JAKMIP1: variants seen among roughly 807,000 people sequenced by gnomAD.
JAKMIP1 encodes janus kinase and microtubule interacting protein 1, also known as janus kinase and microtubule-interacting protein 1.
In JAKMIP1, 33 loss-of-function variants were observed where a neutral mutation model predicts 113.0. The ratio of observed to expected loss-of-function variants is 0.29; its 90% CI spans 0.22 to 0.39. The LOEUF (loss-of-function observed/expected upper bound fraction) is 0.39, where lower values mean the gene tolerates loss of function less well. Among genes scored for constraint, JAKMIP1 ranks in the 10% least tolerant of loss-of-function variants. JAKMIP1 has a pLI of 1.00. For synonymous variants in JAKMIP1, 480 were observed against 459.9 expected (o/e 1.04, Z -0.56); for missense variants, 813 against 1,080.5 (o/e 0.75, Z 3.47).
chr4:6,158,701 G>A lies in JAKMIP1; in HGVS notation c.-148+41552C>T, dbSNP rs765692274. On this transcript the variant is annotated intron_variant, in intron 1 of 20. Transcript: ENST00000409021. The surrounding 1 kb of genome is among the most constrained non-coding windows in gnomAD (Gnocchi z 5.3). ...TAGGTTAGGAAAGAAAATTTGGTTT[G>A]AAAATTTATTGGATAAAAATAGGGC... Among the ~76,000 whole-genome samples, 20 of 151,392 alleles carry A rather than the reference G, an allele frequency of 1.3e-4. No individual in the cohort carries two copies. The highest frequency in any genetic ancestry group is 2.8e-4 in the Non-Finnish European group (19 of 67,938).
intron 1 of JAKMIP1, among the ~76,000 whole-genome samples, chr4:6,175,997 T>C (rs1725303504): frequency 6.6e-6 from 1 of 152,222 alleles, no homozygotes; most frequent in Non-Finnish European, 1.5e-5. Context: ...TTGCTCATTA[T>C]AAACACAATG....
At chr4:6,126,236 A>G (rs1202950879) in intron 1 of JAKMIP1, among the ~76,000 whole-genome samples, 1 of 149,716 alleles carries the variant, frequency 6.7e-6, no homozygotes, top group African/African-American at 2.5e-5. Flanking sequence ...ACACGCAAAC[A>G]CACACCATGG....
rs1288477032 is a variant in JAKMIP1, at chr4:6,061,285, T to C, written c.1561-778A>G. 6.6e-6 allele frequency among the ~76,000 whole-genome samples: 1 copy of C among 152,200 alleles called. No individual in the cohort carries two copies. Among genetic ancestry groups the C allele is most frequent in the East Asian group, 1.9e-4 (1 of 5,192 alleles). On this transcript the variant is annotated intron_variant, in intron 10 of 20. Transcript: ENST00000409021. The surrounding 1 kb of genome is among the most constrained non-coding windows in gnomAD (Gnocchi z 5.3). ...GCCTCACAGTTTCCCTCCTCTGACCTAGATGACAAAGACTGGGCCTTTTAT... is the reference window on the plus strand; with the variant it reads ...GCCTCACAGTTTCCCTCCTCTGACCCAGATGACAAAGACTGGGCCTTTTAT...
intron 1 of JAKMIP1, among the ~76,000 whole-genome samples, chr4:6,115,860 A>G (rs1231915532): frequency 6.6e-6 from 1 of 152,094 alleles, no homozygotes; most frequent in Non-Finnish European, 1.5e-5. Context: ...AGGTCTGCCA[A>G]CTCTTTGGGC....
In JAKMIP1 at chr4:6,143,081, C is replaced by T. The variant is rs1456879146; in HGVS notation, c.-147-30084G>A. The stretch of plus-strand genomic sequence containing the variant: ...ACTCTGGCTCTGCCTCACTGTGTGA[C>T]TTTGAGCAAGTTTCTCAGCCTCTCT... On this transcript the variant is annotated intron_variant, in intron 1 of 20. Coordinates refer to ENST00000409021, the MANE Select transcript of JAKMIP1 (RefSeq NM_001099433.2). The surrounding 1 kb of genome is among the most constrained non-coding windows in gnomAD (Gnocchi z 4.9). 6.6e-6 allele frequency among the ~76,000 whole-genome samples: 1 copy of T among 152,156 alleles called. No individual in the cohort carries two copies. The highest frequency in any genetic ancestry group is 1.5e-5 in the Non-Finnish European group (1 of 68,032).
At chr4:6,173,758 C>A (rs1301469843) in intron 1 of JAKMIP1, among the ~76,000 whole-genome samples, 1 of 152,208 alleles carries the variant, frequency 6.6e-6, no homozygotes, top group Non-Finnish European at 1.5e-5. Flanking sequence ...TGACTTTTAT[C>A]TCTGAAGAAA....
Position 6,180,316 on chromosome 4 carries a change from A to G in JAKMIP1, c.-148+19937T>C, listed in dbSNP as rs975238233. Reference sequence around the variant, plus strand: ...AAATAGAAATGAGAGTTGTTTATCAACATTCAAGAGAACATAATGAAGCTT... The same window carrying G: ...AAATAGAAATGAGAGTTGTTTATCAGCATTCAAGAGAACATAATGAAGCTT... On this transcript the variant is annotated intron_variant, in intron 1 of 20. Coordinates refer to ENST00000409021, the MANE Select transcript of JAKMIP1 (RefSeq NM_001099433.2). This position sits in a 1 kb window ranked among gnomAD's most constrained non-coding sequence, Gnocchi z 4.5. Among the ~76,000 whole-genome samples the G allele has an allele frequency of 2.0e-5, 3 of 152,234 alleles. No individual in the cohort carries two copies. The highest frequency in any genetic ancestry group is 4.4e-5 in the Non-Finnish European group (3 of 68,036).
rs1716518085 is a variant in JAKMIP1 at position 6,056,678 on chromosome 4, C to A, written c.1707+19G>T. On this transcript the variant is annotated intron_variant, in intron 12 of 20. Coordinates refer to ENST00000409021, the MANE Select transcript of JAKMIP1 (RefSeq NM_001099433.2). ...AACTGCCCTGCGGCTGTGTGCTTCC[C>A]TGAGGTGGGGTCACGCACCTTTTCC... 2 of 1,606,702 alleles carry A rather than the reference C, an allele frequency of 1.2e-6. No homozygotes were observed. The highest frequency in any genetic ancestry group is 2.7e-5 in the African/African-American group (2 of 74,792).
In JAKMIP1 at chr4:6,184,072, A is replaced by G. The variant is rs1726360063; in HGVS notation, c.-148+16181T>C. ...TGGTAAATGTTGTCAGTTTAAAGTC[A>G]TAAGATAAATGTGAGAATAAACCAT... On this transcript the variant is annotated intron_variant, in intron 1 of 20. Coordinates refer to ENST00000409021, the MANE Select transcript of JAKMIP1 (RefSeq NM_001099433.2). This position sits in a 1 kb window ranked among gnomAD's most constrained non-coding sequence, Gnocchi z 4.5. Among the ~76,000 whole-genome samples, 1 of 152,250 alleles carries G rather than the reference A, an allele frequency of 6.6e-6. No individual in the cohort carries two copies. The highest frequency in any genetic ancestry group is 2.4e-5 in the African/African-American group (1 of 41,460).
intron 18 of JAKMIP1, among the ~76,000 whole-genome samples, chr4:6,038,347 GTTAA>G (rs1713839190): frequency 7.8e-6 from 1 of 128,692 alleles, no homozygotes; most frequent in South Asian, 2.4e-4. Flanking sequence ...TGAGGCAGAG[GTTAA>G]CCCAGTAGCC....
Position 6,035,899 on chromosome 4 carries a change from C to T in JAKMIP1, c.2379+5G>A. ...GCTGTGGGCACAGCCGCTGTTGCCG[C>T]CTACCTGCTGGGCCTGCTGCAGCAG... On this transcript the variant is annotated splice_donor_5th_base_variant and intron_variant, in intron 19 of 20. Coordinates refer to ENST00000409021, the MANE Select transcript of JAKMIP1 (RefSeq NM_001099433.2). 1 of 1,547,024 alleles carries T rather than the reference C, an allele frequency of 6.5e-7. No individual in the cohort carries two copies. The highest frequency in any genetic ancestry group is 8.7e-7 in the Non-Finnish European group (1 of 1,145,606).
chr4:6,082,467 C>T (rs1720720606), intron 5 of JAKMIP1, among the ~76,000 whole-genome samples: 1 of 151,508 alleles, frequency 6.6e-6, no homozygotes, highest in Non-Finnish European at 1.5e-5. Context: ...GTATCTTCTT[C>T]ATGGCATTTT....
intron 16 of JAKMIP1, among the ~76,000 whole-genome samples, chr4:6,043,359 G>A (rs891477439): frequency 4.6e-5 from 7 of 151,846 alleles, no homozygotes; most frequent in African/African-American, 9.7e-5. Flanking sequence ...CTCCTCTGGC[G>A]GCAGCTGGTC....
chr4:6,177,495 C>T (rs186442871), intron 1 of JAKMIP1, among the ~76,000 whole-genome samples: 1 of 152,316 alleles, frequency 6.6e-6, no homozygotes, highest in East Asian at 1.9e-4. Flanking sequence ...ATTTGGGCCT[C>T]CTGGGAAGGG....
intron 1 of JAKMIP1, among the ~76,000 whole-genome samples, chr4:6,177,395 C>T (rs767023326): frequency 3.3e-5 from 5 of 152,146 alleles, no homozygotes; most frequent in Admixed American, 1.3e-4. Flanking sequence ...TTACTCTGGG[C>T]CTCAAACTTA....
At position 6,158,895 on chromosome 4, in the gene JAKMIP1, C is replaced by T. The variant is rs1015652792; in HGVS notation, c.-148+41358G>A. Among the ~76,000 whole-genome samples, 7 of 152,000 alleles carry T rather than the reference C, an allele frequency of 4.6e-5. No homozygotes were observed. The highest frequency in any genetic ancestry group is 1.7e-4 in the African/African-American group (7 of 41,370). On this transcript the variant is annotated intron_variant, in intron 1 of 20. Transcript: ENST00000409021. The surrounding 1 kb of genome is among the most constrained non-coding windows in gnomAD (Gnocchi z 5.3). ...CTTGACCTCAGGAGTTCGAGACCAG[C>T]CTGACCAACATGGTGAAACCCCATC...
chr4:6,127,343 C>T (rs930011313), intron 1 of JAKMIP1, among the ~76,000 whole-genome samples: 5 of 152,326 alleles, frequency 3.3e-5, no homozygotes, highest in Non-Finnish European at 7.4e-5. Flanking sequence ...ACCCCACACA[C>T]GGAAAACTCA....
chr4:6,170,862 C>T (rs1479602601), intron 1 of JAKMIP1, among the ~76,000 whole-genome samples: 1 of 150,096 alleles, frequency 6.7e-6, no homozygotes, highest in Non-Finnish European at 1.5e-5. Context: ...ATCACCATGA[C>T]CACCATCACA....
intron 20 of JAKMIP1, among the ~76,000 whole-genome samples, chr4:6,028,055 C>A (rs1288622962): frequency 6.6e-6 from 1 of 152,202 alleles, no homozygotes; most frequent in East Asian, 1.9e-4. Context: ...CCATTCCTAG[C>A]AGCACATGAG....
Sources: gnomAD v4.1 joint callset for allele counts (sites outside exome capture counted in the v4.1 genomes callset) on GRCh38, gnomAD v4.1.1 for gene constraint, Gnocchi (gnomAD v3.1) non-coding constraint, MANE v1.5 for transcripts, NCBI Gene and HGNC (gene_info 2026-07-23, HGNC 2026-07-21) for gene names.